Variants in EXOC6B observed in about 807,000 individuals in gnomAD.
EXOC6B encodes SEC15 homolog B.
EXOC6B carries 54 observed loss-of-function variants against 113.5 expected under a neutral mutation model. That is an observed-to-expected ratio of 0.48 (90% CI 0.38 to 0.60). The LOEUF (loss-of-function observed/expected upper bound fraction) is 0.60, where lower values mean the gene tolerates loss of function less well. Among genes scored for constraint, EXOC6B ranks in the 20% least tolerant of loss-of-function variants. EXOC6B has a pLI of 0.00. For synonymous variants in EXOC6B, 357 were observed against 339.0 expected (o/e 1.05, Z -0.58); for missense variants, 797 against 977.5 (o/e 0.82, Z 2.46).
intron 8 of EXOC6B, among the ~76,000 whole-genome samples, chr2:72,558,684 G>A (rs758225401): frequency 2.3e-4 from 35 of 152,080 alleles, no homozygotes; most frequent in Non-Finnish European, 3.2e-4. Flanking sequence ...CAGGAGAATC[G>A]CTTGAACCCG....
chr2:72,477,067 T>C (rs1016690091), intron 17 of EXOC6B, among the ~76,000 whole-genome samples: 3 of 152,128 alleles, frequency 2.0e-5, no homozygotes, highest in African/African-American at 7.2e-5. Context: ...TGGTGCTCAA[T>C]CCTCACATCT....
At chr2:72,500,338 G>A (rs1252689588) in intron 11 of EXOC6B, among the ~76,000 whole-genome samples, 2 of 152,088 alleles carry the variant, frequency 1.3e-5, no homozygotes, top group African/African-American at 4.8e-5. Context: ...AAATAAATTT[G>A]TATTTCTTTA....
intron 20 of EXOC6B, 101 bp downstream of exon 20, chr2:72,334,846 G>A (rs952929871): frequency 4.0e-5 from 44 of 1,091,398 alleles, no homozygotes; most frequent in Admixed American, 2.9e-4. Context: ...AATGTGAATC[G>A]CCAACGCCAA....
chr2:72,619,430 T>A (rs1021541617), intron 6 of EXOC6B, among the ~76,000 whole-genome samples: 7 of 151,632 alleles, frequency 4.6e-5, no homozygotes, highest in Admixed American at 3.3e-4. Context: ...GAGAAAAAAA[T>A]TTGAGACATT....
At chr2:72,467,702 T>C (rs1344914546) in intron 17 of EXOC6B, among the ~76,000 whole-genome samples, 1 of 152,162 alleles carries the variant, frequency 6.6e-6, no homozygotes, top group African/African-American at 2.4e-5. Context: ...ATTATTTCAG[T>C]TCTTTATATA....
chr2:72,646,814 G>A (rs910174749), intron 6 of EXOC6B, among the ~76,000 whole-genome samples: 2 of 152,064 alleles, frequency 1.3e-5, no homozygotes, highest in African/African-American at 4.8e-5. Flanking sequence ...AATAATAAGA[G>A]CTATTTATGA....
intron 11 of EXOC6B, among the ~76,000 whole-genome samples, chr2:72,504,171 G>A (rs1700481226): frequency 6.6e-6 from 1 of 152,102 alleles, no homozygotes; most frequent in East Asian, 1.9e-4. Context: ...GCCTCCCAAC[G>A]TGCTGGCATT....
chr2:72,266,948 G>C (rs1684141335), intron 20 of EXOC6B, among the ~76,000 whole-genome samples: 1 of 152,112 alleles, frequency 6.6e-6, no homozygotes, highest in Non-Finnish European at 1.5e-5. Flanking sequence ...GTGGTTTGTA[G>C]TTCTCCTTGA....
intron 8 of EXOC6B, among the ~76,000 whole-genome samples, chr2:72,557,296 G>GT (rs1208324395): frequency 9.9e-6 from 1 of 100,652 alleles, no homozygotes; most frequent in Non-Finnish European, 2.0e-5. Context: ...AATCCGGGGG[G>GT]GGGGGGGGGC....
chr2:72,789,577 T>C (rs1684562413), intron 1 of EXOC6B, among the ~76,000 whole-genome samples: 1 of 152,334 alleles, frequency 6.6e-6, no homozygotes, highest in Admixed American at 6.5e-5. Flanking sequence ...TCATGATTAA[T>C]GTTCATATCA....
chr2:72,544,787 A>T (rs1481531680), intron 8 of EXOC6B, among the ~76,000 whole-genome samples: 3 of 152,172 alleles, frequency 2.0e-5, no homozygotes, highest in Non-Finnish European at 4.4e-5. Flanking sequence ...TGGCAATGCT[A>T]GACTTCTAAA....
At chr2:72,210,927 A>G (rs1323193588) in intron 20 of EXOC6B, among the ~76,000 whole-genome samples, 1 of 152,194 alleles carries the variant, frequency 6.6e-6, no homozygotes, top group African/African-American at 2.4e-5. Context: ...GCATTTCTTC[A>G]AAATGTTTTT....
chr2:72,651,824 A>G (rs916878588), intron 6 of EXOC6B, among the ~76,000 whole-genome samples: 1 of 152,132 alleles, frequency 6.6e-6, no homozygotes, highest in Non-Finnish European at 1.5e-5. Context: ...CTCATTATCC[A>G]GGGTGGTCTC....
chr2:72,291,354 T>C (rs539269623), intron 20 of EXOC6B, among the ~76,000 whole-genome samples: 2 of 152,312 alleles, frequency 1.3e-5, no homozygotes, highest in South Asian at 2.1e-4. Flanking sequence ...AAGGCTGCCA[T>C]GTCGGACTGA....
At chr2:72,406,186 C>T (rs1204939118) in intron 18 of EXOC6B, among the ~76,000 whole-genome samples, 1 of 152,178 alleles carries the variant, frequency 6.6e-6, no homozygotes, top group Non-Finnish European at 1.5e-5. Context: ...AATACAGGAG[C>T]ACCCAGATTC....
At chr2:72,691,693 T>C (rs541198303) in intron 6 of EXOC6B, among the ~76,000 whole-genome samples, 4 of 151,456 alleles carry the variant, frequency 2.6e-5, no homozygotes, top group Non-Finnish European at 5.9e-5. Flanking sequence ...TTTTTTTTTT[T>C]TTTTTGAGAT....
chr2:72,270,331 A>G (rs937914265), intron 20 of EXOC6B, among the ~76,000 whole-genome samples: 14 of 152,158 alleles, frequency 9.2e-5, no homozygotes, highest in Admixed American at 7.9e-4. Flanking sequence ...AGCAGGTGTC[A>G]GAAGGCAAGC....
At chr2:72,650,041 A>G (rs1674044187) in intron 6 of EXOC6B, among the ~76,000 whole-genome samples, 1 of 152,206 alleles carries the variant, frequency 6.6e-6, no homozygotes, top group African/African-American at 2.4e-5. Context: ...GGGGCACGAC[A>G]TGAGCAGCTG....
At chr2:72,794,367 T>C (rs1452042933) in intron 1 of EXOC6B, among the ~76,000 whole-genome samples, 1 of 152,312 alleles carries the variant, frequency 6.6e-6, no homozygotes, top group East Asian at 1.9e-4. Flanking sequence ...CCAAAGTAAA[T>C]GTCACATAAC....
Sources: gnomAD v4.1 joint callset for allele counts (sites outside exome capture counted in the v4.1 genomes callset) on GRCh38, gnomAD v4.1.1 for gene constraint, MANE v1.5 for transcripts, NCBI Gene and HGNC (gene_info 2026-07-23, HGNC 2026-07-21) for gene names.